Variants in PCDHGC3 observed in about 807,000 individuals in gnomAD.
PCDHGC3 encodes protocadherin gamma subfamily C, 3, also known as protocadherin gamma-C3.
A neutral mutation model predicts 59.2 loss-of-function variants in PCDHGC3; 26 were observed. The observed-to-expected ratio is 0.44, with a 90% confidence interval of 0.32 to 0.61. The LOEUF (loss-of-function observed/expected upper bound fraction) is 0.61, where lower values mean the gene tolerates loss of function less well. Among genes scored for constraint, PCDHGC3 ranks in the 20% least tolerant of loss-of-function variants. The pLI is 0.05. For synonymous variants in PCDHGC3, 487 were observed against 519.7 expected (o/e 0.94, Z 0.86); for missense variants, 1,080 against 1,221.8 (o/e 0.88, Z 1.73).
intron 1 of PCDHGC3, 124 bp downstream of exon 1, chr5:141,478,670 C>G: frequency 6.4e-7 from 1 of 1,551,664 alleles, no homozygotes; most frequent in East Asian, 2.4e-5. Flanking sequence ...TTCACACTTT[C>G]AACTGGCCCT....
At chr5:141,506,829 T>C (rs1449718553) in intron 3 of PCDHGC3, among the ~76,000 whole-genome samples, 1 of 152,182 alleles carries the variant, frequency 6.6e-6, no homozygotes, top group African/African-American at 2.4e-5. Context: ...CATGAACTGA[T>C]AGCCCTGCCC....
In PCDHGC3 at chr5:141,476,040, G is replaced by A; in HGVS notation, c.-77G>A. 2.0e-6 allele frequency: 3 copies of A among 1,488,704 alleles called. No individual in the cohort carries two copies. Among genetic ancestry groups the A allele is most frequent in the Admixed American group, 2.2e-5 (1 of 44,984 alleles). 92.2% of individuals were successfully genotyped at this position (1,488,704 alleles called of 1,614,324 possible). On this transcript the variant is annotated 5_prime_UTR_variant, in exon 1 of 4. Coordinates refer to ENST00000308177, the MANE Select transcript of PCDHGC3 (RefSeq NM_002588.4). The surrounding 1 kb of genome is among the most constrained non-coding windows in gnomAD (Gnocchi z 7.6). The stretch of plus-strand genomic sequence containing the variant: ...CGGACTCGGCGCCCAGCGCCCAAGC[G>A]CTAACCCGCTGAAAGTTTCTCAGCG...
Position 141,506,991 on chromosome 5 carries a change from C to T in PCDHGC3, c.2578+1510C>T, listed in dbSNP as rs190455068. 3 of 152,366 alleles carry T rather than the reference C, an allele frequency of 2.0e-5. No homozygotes were observed. In the East Asian group the frequency reaches 5.8e-4, roughly 29 times the overall value. The allele number at this position is 152,366 out of a possible 1,614,324, so 9.4% of individuals were successfully genotyped here. A position where few individuals can be genotyped will look rare whatever the true frequency, so the allele number is the denominator to read the frequency against. The stretch of plus-strand genomic sequence containing the variant: ...TGCAAGGCAGGTCTGATTTCTCACA[C>T]TCGACAGATGAGAGAACCGAGAAGG... On this transcript the variant is annotated intron_variant, in intron 3 of 3. Coordinates refer to ENST00000308177, the MANE Select transcript of PCDHGC3 (RefSeq NM_002588.4).
intron 1 of PCDHGC3, among the ~76,000 whole-genome samples, chr5:141,494,199 G>A (rs1033914239): frequency 1.3e-5 from 2 of 152,160 alleles, no homozygotes; most frequent in South Asian, 2.1e-4. Context: ...TGGATGCCCC[G>A]CAAAGGCCCA....
rs1485715812 is a variant in PCDHGC3, at chr5:141,485,804, G to T, written c.2430+7258G>T. The T allele has an allele frequency of 6.2e-7, 1 of 1,614,218 alleles. No individual in the cohort carries two copies. The highest frequency in any genetic ancestry group is 1.7e-5 in the Admixed American group (1 of 60,026). ...AGAGAAGCAATCGGACTACCGCCTG[G>T]TGCTGACTGCTGTCGATGGAGGGAA... On this transcript the variant is annotated intron_variant, in intron 1 of 3. Coordinates refer to ENST00000308177, the MANE Select transcript of PCDHGC3 (RefSeq NM_002588.4). This position sits in a 1 kb window ranked among gnomAD's most constrained non-coding sequence, Gnocchi z 5.7.
In PCDHGC3 at chr5:141,491,762, C is replaced by T. The variant is rs1162878124; in HGVS notation, c.2431-3045C>T. The T allele has an allele frequency of 6.4e-7, 1 of 1,572,596 alleles. No homozygotes were observed. The highest frequency in any genetic ancestry group is 1.4e-5 in the African/African-American group (1 of 73,308). ...GGCGGCACTGGAGAAGCCGCCCGTC[C>T]TCATAAGGGATTGAACTTGCATCCA... On this transcript the variant is annotated intron_variant, in intron 1 of 3. Transcript: ENST00000308177. The surrounding 1 kb of genome is among the most constrained non-coding windows in gnomAD (Gnocchi z 6.9).
At position 141,490,162 on chromosome 5, in the gene PCDHGC3, A is replaced by G. The variant is rs1371128858; in HGVS notation, c.2431-4645A>G. The G allele has an allele frequency of 1.2e-6, 2 of 1,614,218 alleles. No individual in the cohort carries two copies. The highest frequency in any genetic ancestry group is 1.7e-6 in the Non-Finnish European group (2 of 1,180,028). ...TGGGGCAATCCATGTGTTGGGTCCCATAGACTTTGAGGAGTCACGTTTCTA... is the reference window on the plus strand; with the variant it reads ...TGGGGCAATCCATGTGTTGGGTCCCGTAGACTTTGAGGAGTCACGTTTCTA... On this transcript the variant is annotated intron_variant, in intron 1 of 3. Transcript: ENST00000308177. This position sits in a 1 kb window ranked among gnomAD's most constrained non-coding sequence, Gnocchi z 5.4.
In PCDHGC3 at chr5:141,511,367, G is replaced by A. The variant is rs563286583; in HGVS notation, c.*194G>A. ...CCTTCCCCCCCAGGGGGTTGAATAT[G>A]CAAAAGCAGTTCCGCTGGGAACCCC... On this transcript the variant is annotated 3_prime_UTR_variant, in exon 4 of 4. Coordinates refer to ENST00000308177, the MANE Select transcript of PCDHGC3 (RefSeq NM_002588.4). 2.3e-6 allele frequency: 3 copies of A among 1,299,952 alleles called. No individual in the cohort carries two copies. Among genetic ancestry groups the A allele is most frequent in the Non-Finnish European group, 3.1e-6 (3 of 967,442 alleles). 80.5% of individuals were successfully genotyped at this position (1,299,952 alleles called of 1,614,324 possible).
In PCDHGC3 at chr5:141,478,505, T is replaced by C. The variant is rs1298083274; in HGVS notation, c.2389T>C (p.Tyr797His). The change falls in exon 1 of 4, where the codon TAT becomes CAT. Residue 797 changes from tyrosine (Y) to histidine (H), a missense_variant. Tyr to His is a moderately conservative substitution (Grantham distance 83). Coordinates refer to ENST00000308177, the MANE Select transcript of PCDHGC3 (RefSeq NM_002588.4). The stretch of plus-strand genomic sequence containing the variant: ...GCTGCGGAGCTGTGATCCGGTGTTC[T>C]ATAGGCAGGTGTTGGGTGCAGAGAG... ...NTLRSCDPVF[Y>H]RQVLGAESAP... 1.9e-6 allele frequency: 3 copies of C among 1,612,032 alleles called. No homozygotes were observed. Among genetic ancestry groups the C allele is most frequent in the Non-Finnish European group, 2.5e-6 (3 of 1,179,040 alleles).
Position 141,490,732 on chromosome 5 carries a change from G to A in PCDHGC3, c.2431-4075G>A, listed in dbSNP as rs775388969. 6.2e-6 allele frequency: 10 copies of A among 1,614,188 alleles called. No homozygotes were observed. The highest frequency in any genetic ancestry group is 8.5e-6 in the Non-Finnish European group (10 of 1,180,042). ...CACCTACTCCATTGTAGGAAATCAG[G>A]TTCAGGGAGCCCCAGCCTCCTCCTT... On this transcript the variant is annotated intron_variant, in intron 1 of 3. Transcript: ENST00000308177. This position sits in a 1 kb window ranked among gnomAD's most constrained non-coding sequence, Gnocchi z 5.4.
chr5:141,497,512 T>C (rs903352739), intron 2 of PCDHGC3, among the ~76,000 whole-genome samples: 2 of 151,896 alleles, frequency 1.3e-5, no homozygotes, highest in Admixed American at 1.3e-4. Flanking sequence ...TCTGCTTCCT[T>C]AGTTAACTTG....
At chr5:141,509,322 C>G (rs563556144) in intron 3 of PCDHGC3, among the ~76,000 whole-genome samples, 1 of 152,318 alleles carries the variant, frequency 6.6e-6, no homozygotes, top group East Asian at 1.9e-4. Flanking sequence ...GAGAGAAGCT[C>G]TACTGCCAGC....
intron 3 of PCDHGC3, among the ~76,000 whole-genome samples, chr5:141,506,402 G>A (rs1032556978): frequency 2.8e-5 from 4 of 143,790 alleles, no homozygotes; most frequent in East Asian, 2.0e-4. Flanking sequence ...GCAGAAAATC[G>A]CACCACTGCA....
At position 141,491,116 on chromosome 5, in the gene PCDHGC3, GGT is replaced by G. The variant is rs2099708409; in HGVS notation, c.2431-3689_2431-3688del. The G allele has an allele frequency of 1.2e-6, 2 of 1,614,178 alleles. No individual in the cohort carries two copies. Among genetic ancestry groups the G allele is most frequent in the Non-Finnish European group, 1.7e-6 (2 of 1,180,024 alleles). On this transcript the variant is annotated intron_variant, in intron 1 of 3. Transcript: ENST00000308177. This position sits in a 1 kb window ranked among gnomAD's most constrained non-coding sequence, Gnocchi z 6.9. Reference sequence around the variant, plus strand: ...ACTGTTCCTCGTGTCTACACACACTGGTGAGGTGCGCACAGCCCGGGCCTTAC... The same window carrying G: ...ACTGTTCCTCGTGTCTACACACACTGGAGGTGCGCACAGCCCGGGCCTTAC...
intron 1 of PCDHGC3, chr5:141,479,269 A>G (rs1279389471): frequency 6.6e-6 from 1 of 152,374 alleles, no homozygotes; most frequent in African/African-American, 2.4e-5. Flanking sequence ...TAAAAGTAAT[A>G]ATTTATTTCA....
At chr5:141,479,930 T>C (rs1355410974) in intron 1 of PCDHGC3, among the ~76,000 whole-genome samples, 15 of 152,218 alleles carry the variant, frequency 9.9e-5, no homozygotes, top group Non-Finnish European at 1.9e-4. Context: ...CAGTGCATCA[T>C]TGCTATCAAC....
chr5:141,485,735 G>C lies in PCDHGC3; in HGVS notation c.2430+7189G>C, dbSNP rs1562107417. ...ACTGGATGTGAAGAAGCGCAGCGAC[G>C]GCAGCCTGGTCCCAGAGCTGCTCCT... is the stretch of plus-strand genomic sequence containing the variant. On this transcript the variant is annotated intron_variant, in intron 1 of 3. Coordinates refer to ENST00000308177, the MANE Select transcript of PCDHGC3 (RefSeq NM_002588.4). This position sits in a 1 kb window ranked among gnomAD's most constrained non-coding sequence, Gnocchi z 5.7. 2.5e-6 allele frequency: 4 copies of C among 1,614,048 alleles called. No individual in the cohort carries two copies. The highest frequency in any genetic ancestry group is 3.4e-6 in the Non-Finnish European group (4 of 1,180,044).
chr5:141,482,574 A>C (rs1294997781), intron 1 of PCDHGC3, among the ~76,000 whole-genome samples: 2 of 151,592 alleles, frequency 1.3e-5, no homozygotes, highest in Non-Finnish European at 2.9e-5. Context: ...GCATAGCATA[A>C]GATGCAGTGG....
intron 1 of PCDHGC3, among the ~76,000 whole-genome samples, chr5:141,482,899 T>C (rs1238389686): frequency 1.3e-5 from 2 of 152,076 alleles, no homozygotes; most frequent in Non-Finnish European, 2.9e-5. Context: ...TGGTGAAACC[T>C]CATCTCTATT....
Sources: allele counts gnomAD v4.1 joint callset (sites outside exome capture counted in the v4.1 genomes callset), GRCh38; gene constraint gnomAD v4.1.1; non-coding constraint Gnocchi (gnomAD v3.1); transcripts MANE v1.5; gene names NCBI Gene and HGNC (gene_info 2026-07-23, HGNC 2026-07-21).